ASIC2: variants seen among roughly 807,000 people sequenced by gnomAD.
ASIC2 encodes the protein acid sensing ion channel subunit 2, also known as acid-sensing ion channel 2.
A neutral mutation model predicts 57.3 loss-of-function variants in ASIC2; 25 were observed. The ratio of observed to expected loss-of-function variants is 0.44; its 90% CI spans 0.32 to 0.61. ASIC2 has a LOEUF of 0.61. Ranked by LOEUF, ASIC2 falls within the 20% of genes least tolerant of loss-of-function variation. The probability of loss-of-function intolerance (pLI) is 0.06; values close to 1 mark genes in which losing one functional copy is unlikely to be tolerated. For missense variants in ASIC2, 641 were observed against 738.1 expected, an observed-to-expected ratio of 0.87 and a Z score of 1.52; for synonymous variants, 319 against 307.5, an observed-to-expected ratio of 1.04 and a Z score of -0.39.
chr17:33,679,042 A>G (rs925409163), intron 1 of ASIC2, among the ~76,000 whole-genome samples: 1 of 152,192 alleles, frequency 6.6e-6, no homozygotes, highest in African/African-American at 2.4e-5. Context: ...TAGTGTGTTC[A>G]TGTTTCAACA....
chr17:33,174,386 A>G (rs1274287005), intron 1 of ASIC2, among the ~76,000 whole-genome samples: 3 of 147,774 alleles, frequency 2.0e-5, no homozygotes, highest in Non-Finnish European at 4.5e-5. Flanking sequence ...ACACCCCTGC[A>G]CTCCAGCCTG....
At chr17:33,728,673 A>C (rs954611500) in intron 1 of ASIC2, among the ~76,000 whole-genome samples, 1 of 152,218 alleles carries the variant, frequency 6.6e-6, no homozygotes, top group Admixed American at 6.5e-5. Context: ...CTGAGGACCC[A>C]GGAAATGTCA....
At chr17:33,461,115 C>A (rs1912619640) in intron 1 of ASIC2, among the ~76,000 whole-genome samples, 1 of 152,122 alleles carries the variant, frequency 6.6e-6, no homozygotes, top group Non-Finnish European at 1.5e-5. Context: ...GAAATGTAAC[C>A]AACCCACTTC....
intron 1 of ASIC2, among the ~76,000 whole-genome samples, chr17:33,873,330 G>A (rs1914468218): frequency 6.6e-6 from 1 of 152,216 alleles, no homozygotes; most frequent in Non-Finnish European, 1.5e-5. Flanking sequence ...AGAGTGATAA[G>A]TGCTTAGCAG....
intron 1 of ASIC2, among the ~76,000 whole-genome samples, chr17:33,537,552 A>G (rs978767925): frequency 6.6e-6 from 1 of 152,222 alleles, no homozygotes; most frequent in Non-Finnish European, 1.5e-5. Context: ...GTCTGGCACC[A>G]GAAGATGCTC....
chr17:33,202,017 C>CA (rs55724157), intron 1 of ASIC2, among the ~76,000 whole-genome samples: 89 of 92,204 alleles, frequency 9.7e-4, no homozygotes, highest in Middle Eastern at 5.1e-3. Context: ...GAGACTGTCT[C>CA]AAAAAAAAAA....
intron 3 of ASIC2, among the ~76,000 whole-genome samples, chr17:33,079,639 G>A (rs1040254113): frequency 3.3e-5 from 5 of 152,104 alleles, no homozygotes; most frequent in African/African-American, 1.2e-4. Flanking sequence ...CACTGGGGAG[G>A]CCAGTGAGGC....
At position 33,025,946 on chromosome 17, in the gene ASIC2, T is replaced by A. The variant is rs778666593; in HGVS notation, c.1175A>T (p.Glu392Val). 2 of 1,613,658 alleles carry A rather than the reference T, an allele frequency of 1.2e-6. No individual in the cohort carries two copies. Among genetic ancestry groups the A allele is most frequent in the African/African-American group, 1.3e-5 (1 of 74,980 alleles). ...CTGACCTAGGGCAGGCTCTGCACAC[T>A]CCTTGTGCTGCTCAGGGGTACAAAA... The part of the protein sequence containing the change: ...APFCTPEQHK[E>V]CAEPALGLLA... The change falls in exon 5 of 10, where the codon GAG (glutamate) becomes GTG (valine). Residue 392 changes from glutamate to valine, a missense_variant. By Grantham distance (121) the Glu-to-Val change is moderately radical (BLOSUM62 -2). Transcript: ENST00000225823.
chr17:33,101,131 G>A (rs188838864), intron 2 of ASIC2, among the ~76,000 whole-genome samples: 1 of 152,236 alleles, frequency 6.6e-6, no homozygotes, highest in Non-Finnish European at 1.5e-5. Flanking sequence ...GCCAGAGCCT[G>A]CTCCTCTCAT....
At chr17:33,284,544 A>G (rs751044425) in intron 1 of ASIC2, among the ~76,000 whole-genome samples, 8 of 152,158 alleles carry the variant, frequency 5.3e-5, no homozygotes, top group Non-Finnish European at 1.2e-4. Flanking sequence ...TCCAAAGCCT[A>G]CAGCAACTTG....
chr17:33,356,395 C>T (rs1908373622), intron 1 of ASIC2, among the ~76,000 whole-genome samples: 1 of 152,094 alleles, frequency 6.6e-6, no homozygotes, highest in Non-Finnish European at 1.5e-5. Flanking sequence ...CAGGGCTTTC[C>T]CACCCCTGAA....
At position 33,458,672 on chromosome 17, in the gene ASIC2, A is replaced by G. The variant is rs1254704043; in HGVS notation, c.556-346605T>C. Among the ~76,000 whole-genome samples, 4 of 152,300 alleles carry G rather than the reference A, an allele frequency of 2.6e-5. No individual in the cohort carries two copies. In the East Asian group the frequency reaches 7.7e-4, roughly 29 times the overall value. On this transcript the variant is annotated intron_variant, in intron 1 of 9. Coordinates refer to the ASIC2 transcript ENST00000359872. ...CTAGCACAAAACAAGCACTCATAAAATGATTATTGGTCATGGTTCAAGTAC... is the reference window on the plus strand; with the variant it reads ...CTAGCACAAAACAAGCACTCATAAAGTGATTATTGGTCATGGTTCAAGTAC...
At chr17:33,120,201 C>G (rs959185897) in intron 1 of ASIC2, among the ~76,000 whole-genome samples, 1 of 152,120 alleles carries the variant, frequency 6.6e-6, no homozygotes, top group African/African-American at 2.4e-5. Context: ...GCCCTGGGGC[C>G]CATCTGCTGT....
At chr17:33,986,199 G>T (rs1287848000) in intron 1 of ASIC2, among the ~76,000 whole-genome samples, 1 of 151,694 alleles carries the variant, frequency 6.6e-6, no homozygotes, top group African/African-American at 2.4e-5. Flanking sequence ...CATGAGAACA[G>T]GAATCTGGTT....
intron 1 of ASIC2, among the ~76,000 whole-genome samples, chr17:33,499,421 G>A (rs1012681252): frequency 2.6e-5 from 4 of 152,242 alleles, no homozygotes; most frequent in Non-Finnish European, 4.4e-5. Flanking sequence ...AGAACACCAT[G>A]TGAGATATAG....
intron 1 of ASIC2, among the ~76,000 whole-genome samples, chr17:33,797,764 G>A (rs1911962628): frequency 6.6e-6 from 1 of 152,240 alleles, no homozygotes; most frequent in Non-Finnish European, 1.5e-5. Context: ...GGACTGAAAT[G>A]TGGGCATGTT....
At chr17:33,203,566 G>A (rs1033312441) in intron 1 of ASIC2, among the ~76,000 whole-genome samples, 14 of 152,076 alleles carry the variant, frequency 9.2e-5, no homozygotes, top group Admixed American at 6.5e-5. Flanking sequence ...TCCTCTGCCC[G>A]CCTTTTTATT....
intron 1 of ASIC2, among the ~76,000 whole-genome samples, chr17:33,815,724 C>G (rs910856818): frequency 6.6e-6 from 1 of 152,148 alleles, no homozygotes; most frequent in South Asian, 2.1e-4. Context: ...TTTGTTTACT[C>G]GCTTTACTGT....
intron 1 of ASIC2, among the ~76,000 whole-genome samples, chr17:33,351,379 G>C (rs1908171614): frequency 1.3e-5 from 2 of 152,282 alleles, no homozygotes; most frequent in Middle Eastern, 3.4e-3. Context: ...CCTTAGGCCA[G>C]ACGTTCATCT....
Sources: gnomAD v4.1 joint callset for allele counts (sites outside exome capture counted in the v4.1 genomes callset) on GRCh38, gnomAD v4.1.1 for gene constraint, MANE v1.5 for transcripts, NCBI Gene and HGNC (gene_info 2026-07-23, HGNC 2026-07-21) for gene names.